TULP3: variants seen among roughly 807,000 people sequenced by gnomAD.
TULP3 encodes the protein TUB like protein 3.
TULP3 carries 38 observed loss-of-function variants against 50.7 expected under a neutral mutation model. That is an observed-to-expected ratio of 0.75 (90% CI 0.58 to 0.98). The LOEUF (loss-of-function observed/expected upper bound fraction) is 0.98. Among genes scored for constraint, TULP3 ranks in the 50% least tolerant of loss-of-function variants. TULP3 has a pLI of 0.00. For synonymous variants in TULP3, 183 were observed against 196.6 expected (o/e 0.93, Z 0.58); for missense variants, 550 against 568.0 (o/e 0.97, Z 0.32).
Position 2,940,462 on chromosome 12 carries a change from C to A in TULP3, c.*1018C>A. ...TGGCTCAGGCACAGAAGGTGTTTTG[C>A]TACGTTTTTTTGATTATTACACCCC... On this transcript the variant is annotated 3_prime_UTR_variant, in exon 11 of 11. Transcript: ENST00000448120. 1 of 1,486,232 alleles carries A rather than the reference C, an allele frequency of 6.7e-7. No individual in the cohort carries two copies. The allele number at this position is 1,486,232 out of a possible 1,614,324, so 92.1% of individuals were successfully genotyped here.
chr12:2,916,920 G>T (rs1239649391), intron 2 of TULP3, among the ~76,000 whole-genome samples: 1 of 152,154 alleles, frequency 6.6e-6, no homozygotes, highest in Non-Finnish European at 1.5e-5. Flanking sequence ...GTCTAAATGA[G>T]TTTGATTTGT....
intron 4 of TULP3, 95 bp from the exon 5 acceptor site, chr12:2,930,153 A>G (rs10848747): frequency 0.44 from 373,520 of 847,994 alleles, 84,891 homozygotes; most frequent in African/African-American, 0.61. Flanking sequence ...AGAATAGTTA[A>G]GAATGTTTTA....
chr12:2,936,155 A>C lies in TULP3; in HGVS notation c.925-1476A>C, dbSNP rs541649033. Among the ~76,000 whole-genome samples, 20 of 152,054 alleles carry C rather than the reference A, an allele frequency of 1.3e-4. 1 individual carries two copies. Among genetic ancestry groups the C allele is most frequent in the Non-Finnish European group, 8.8e-5 (6 of 68,012 alleles). ...CGTGGTGGCAGGCACCTGTAATCCC[A>C]GCTACTCGGGAGGCTGAGGCAGGAG... is the stretch of plus-strand genomic sequence containing the variant. On this transcript the variant is annotated intron_variant, in intron 8 of 10. Transcript: ENST00000448120.
chr12:2,902,878 T>C (rs1219355530), intron 1 of TULP3, among the ~76,000 whole-genome samples: 1 of 151,822 alleles, frequency 6.6e-6, no homozygotes, highest in Non-Finnish European at 1.5e-5. Flanking sequence ...TTTTTTTTTT[T>C]TGAGACAGAG....
At chr12:2,916,294 G>T (rs953239191) in intron 2 of TULP3, among the ~76,000 whole-genome samples, 1 of 152,174 alleles carries the variant, frequency 6.6e-6, no homozygotes, top group Non-Finnish European at 1.5e-5. Flanking sequence ...GAGCCACTGC[G>T]CCGGTCAGAG....
Position 2,897,771 on chromosome 12 carries a change from T to TAAAAAA in TULP3, c.41+6798_41+6803dup, listed in dbSNP as rs71057851. Among the ~76,000 whole-genome samples, 66 of 125,752 alleles carry TAAAAAA rather than the reference T, an allele frequency of 5.2e-4. 2 individuals carry two copies. The highest frequency in any genetic ancestry group is 1.1e-3 in the African/African-American group (36 of 31,966). 82.5% of individuals were successfully genotyped at this position (125,752 alleles called of 152,430 possible). A position where few individuals can be genotyped will look rare whatever the true frequency, so the allele number is the denominator to read the frequency against. On this transcript the variant is annotated intron_variant, in intron 1 of 10. Coordinates refer to ENST00000448120, the MANE Select transcript of TULP3 (RefSeq NM_003324.5). ...CTGCCTGGCCCGAGACCCTGTCTCT[T>TAAAAAA]AAAAAAAAAAAAAAAAAAAATTCTA...
chr12:2,897,121 T>C (rs150773687), intron 1 of TULP3, among the ~76,000 whole-genome samples: 2,042 of 152,230 alleles, frequency 0.013, 48 homozygotes, highest in African/African-American at 0.046. Context: ...CAGTTCTCCC[T>C]GCCTCAGCCT....
chr12:2,913,221 G>GTA (rs771938234), intron 2 of TULP3, among the ~76,000 whole-genome samples: 2 of 147,256 alleles, frequency 1.4e-5, no homozygotes, highest in African/African-American at 5.1e-5. Flanking sequence ...GTGTGTGTGT[G>GTA]TATGTGTGTG....
intron 2 of TULP3, among the ~76,000 whole-genome samples, chr12:2,917,372 T>C (rs368448446): frequency 4.2e-4 from 64 of 151,762 alleles, no homozygotes; most frequent in African/African-American, 1.4e-3. Context: ...CTCGGGAGGC[T>C]GAGGCAGGAA....
chr12:2,928,822 G>A (rs1363103975), intron 4 of TULP3, among the ~76,000 whole-genome samples: 2 of 151,986 alleles, frequency 1.3e-5, no homozygotes, highest in African/African-American at 4.8e-5. Context: ...GCGCACACCT[G>A]TAATCCCAGC....
At chr12:2,895,507 T>A (rs1208061672) in intron 1 of TULP3, among the ~76,000 whole-genome samples, 1 of 152,254 alleles carries the variant, frequency 6.6e-6, no homozygotes, top group Non-Finnish European at 1.5e-5. Flanking sequence ...TCAAGCCAGA[T>A]GTGTTCTTGG....
rs1565496785 is a variant in TULP3, at chr12:2,899,906, ACAAAAAAAAAAAC to A, written c.41+8919_41+8931del. Among the ~76,000 whole-genome samples the A allele has an allele frequency of 9.0e-4, 43 of 47,758 alleles. 2 individuals are homozygous for A. Among genetic ancestry groups the A allele is most frequent in the East Asian group, 1.7e-3 (2 of 1,168 alleles). The allele number at this position is 47,758 out of a possible 152,430, so 31.3% of individuals were successfully genotyped here. A position where few individuals can be genotyped will look rare whatever the true frequency, so the allele number is the denominator to read the frequency against. ...AGACTCCGTCTCAAAAAAAAAACAAACAAAAAAAAAAACAAAAAAAACTTGGAGACGGCTGTGG... is the reference window on the plus strand; with the variant it reads ...AGACTCCGTCTCAAAAAAAAAACAAAAAAAAAAACTTGGAGACGGCTGTGG... On this transcript the variant is annotated intron_variant, in intron 1 of 10. Transcript: ENST00000448120.
intron 2 of TULP3, among the ~76,000 whole-genome samples, chr12:2,918,636 GCT>G (rs2098190049): frequency 6.6e-6 from 1 of 152,040 alleles, no homozygotes; most frequent in Non-Finnish European, 1.5e-5. Flanking sequence ...CGCCTCCCAG[GCT>G]CAAGCGATTC....
intron 1 of TULP3, among the ~76,000 whole-genome samples, chr12:2,907,505 G>A (rs2098183036): frequency 7.7e-6 from 1 of 130,458 alleles, no homozygotes; most frequent in Admixed American, 7.9e-5. Context: ...AAAATTAGCT[G>A]GGCATGATGG....
At position 2,939,504 on chromosome 12, in the gene TULP3, T is replaced by C; in HGVS notation, c.*60T>C. The C allele has an allele frequency of 6.3e-7, 1 of 1,596,938 alleles. No individual in the cohort carries two copies. The highest frequency in any genetic ancestry group is 2.2e-5 in the East Asian group (1 of 44,676). On this transcript the variant is annotated 3_prime_UTR_variant, in exon 11 of 11. Coordinates refer to ENST00000448120, the MANE Select transcript of TULP3 (RefSeq NM_003324.5). This position sits in a 1 kb window ranked among gnomAD's most constrained non-coding sequence, Gnocchi z 4.0. ...GAGCTTTCAGGAGCAGACAGTGGCCTCCCCTTCCCCTCCCTGCCCCAGGAC... is the reference window on the plus strand; with the variant it reads ...GAGCTTTCAGGAGCAGACAGTGGCCCCCCCTTCCCCTCCCTGCCCCAGGAC...
At chr12:2,929,290 C>G (rs1420827814) in intron 4 of TULP3, among the ~76,000 whole-genome samples, 2 of 151,980 alleles carry the variant, frequency 1.3e-5, no homozygotes, top group African/African-American at 4.8e-5. Flanking sequence ...GCGCTCCAGC[C>G]TGGGCGACAG....
At chr12:2,898,111 G>C (rs1177258854) in intron 1 of TULP3, among the ~76,000 whole-genome samples, 1 of 148,870 alleles carries the variant, frequency 6.7e-6, no homozygotes, top group Admixed American at 6.8e-5. Context: ...TATAATAGCA[G>C]TTGCAGTTTG....
chr12:2,913,572 T>C (rs2098186918), intron 2 of TULP3, among the ~76,000 whole-genome samples: 3 of 151,954 alleles, frequency 2.0e-5, no homozygotes, highest in Admixed American at 6.6e-5. Context: ...TCAAGTTTTA[T>C]AGTTTTAGCT....
chr12:2,891,110 A>T, intron 1 of TULP3, 122 bp downstream of exon 1: 1 of 1,229,212 alleles, frequency 8.1e-7, no homozygotes, highest in African/African-American at 1.6e-5. Flanking sequence ...CGACTCAGGG[A>T]GGGACTGGTT....
Sources: gnomAD v4.1 joint callset for allele counts (sites outside exome capture counted in the v4.1 genomes callset) on GRCh38, gnomAD v4.1.1 for gene constraint, Gnocchi (gnomAD v3.1) non-coding constraint, MANE v1.5 for transcripts, NCBI Gene and HGNC (gene_info 2026-07-23, HGNC 2026-07-21) for gene names.